The following GPC5 variants were observed in gnomAD, a reference collection of about 807,000 sequenced individuals.
GPC5 encodes glypican-5.
In GPC5, 47 loss-of-function variants were observed where a neutral mutation model predicts 53.9. The ratio of observed to expected loss-of-function variants is 0.87; its 90% CI spans 0.69 to 1.11. The LOEUF is 1.11. Among genes scored for constraint, GPC5 ranks in the 50% most tolerant of loss-of-function variants. The pLI, the probability that GPC5 is intolerant of heterozygous loss-of-function variation, is 0.00. For missense variants in GPC5, 748 were observed against 713.1 expected, an observed-to-expected ratio of 1.05 and a Z score of -0.56; for synonymous variants, 286 against 263.3, an observed-to-expected ratio of 1.09 and a Z score of -0.84.
At chr13:91,536,912 A>AT (rs1409763621) in intron 2 of GPC5, among the ~76,000 whole-genome samples, 1 of 152,244 alleles carries the variant, frequency 6.6e-6, no homozygotes, top group East Asian at 1.9e-4. Flanking sequence ...TGGGACAATC[A>AT]TATGTCCATG....
chr13:91,707,360 A>G (rs1018000046), intron 3 of GPC5, among the ~76,000 whole-genome samples: 12 of 152,276 alleles, frequency 7.9e-5, no homozygotes, highest in Admixed American at 7.2e-4. Flanking sequence ...ATGATAGCTC[A>G]GCCTGTAATC....
At chr13:91,739,337 C>T (rs910540419) in intron 4 of GPC5, among the ~76,000 whole-genome samples, 34 of 151,330 alleles carry the variant, frequency 2.2e-4, no homozygotes, top group Non-Finnish European at 4.9e-4. Flanking sequence ...CTGCTCTAGT[C>T]CCTGGGAAAT....
chr13:92,592,962 C>T (rs1883761197), intron 7 of GPC5, among the ~76,000 whole-genome samples: 1 of 150,946 alleles, frequency 6.6e-6, no homozygotes, highest in Non-Finnish European at 1.5e-5. Context: ...TTCACTACAG[C>T]AGGAAGTGGG....
At chr13:91,634,086 C>A (rs2034226591) in intron 2 of GPC5, among the ~76,000 whole-genome samples, 1 of 151,972 alleles carries the variant, frequency 6.6e-6, no homozygotes, top group Non-Finnish European at 1.5e-5. Flanking sequence ...ATGAGGACAT[C>A]ATTTATTGGC....
intron 5 of GPC5, among the ~76,000 whole-genome samples, chr13:91,858,049 T>C (rs1272461442): frequency 1.3e-5 from 2 of 151,750 alleles, no homozygotes; most frequent in Admixed American, 1.3e-4. Context: ...TCTGTTTTCA[T>C]AGGTTGGTTG....
At chr13:92,715,676 C>A (rs1051822381) in intron 7 of GPC5, among the ~76,000 whole-genome samples, 1 of 152,162 alleles carries the variant, frequency 6.6e-6, no homozygotes, top group Non-Finnish European at 1.5e-5. Context: ...TTATTTAACT[C>A]TTGCTGTACT....
chr13:91,693,542 G>A lies in GPC5; in HGVS notation c.681G>A (p.Gln227=), dbSNP rs1203198178. 1 of 1,614,072 alleles carries A rather than the reference G, an allele frequency of 6.2e-7. No individual in the cohort carries two copies. Among genetic ancestry groups the A allele is most frequent in the East Asian group, 2.2e-5 (1 of 44,832 alleles). ...RSLLPSRTFL[Q]ALNLGIEVIN... is the part of the protein sequence containing the mutation. ...TGCTGCCCAGCCGCACTTTTCTGCA[G>A]GCACTCAATCTGGGCATTGAAGTCA... is the stretch of plus-strand genomic sequence containing the variant. The change falls in exon 3 of 8, where the codon CAG becomes CAA. Residue 227 remains glutamine, a synonymous_variant. Coordinates refer to ENST00000377067, the MANE Select transcript of GPC5 (RefSeq NM_004466.6).
At chr13:92,741,927 T>C (rs1889108524) in intron 7 of GPC5, among the ~76,000 whole-genome samples, 1 of 152,178 alleles carries the variant, frequency 6.6e-6, no homozygotes, top group South Asian at 2.1e-4. Context: ...ATCCTTTTTA[T>C]GGCTGCATAG....
At chr13:91,758,886 C>G (rs182329327) in intron 5 of GPC5, among the ~76,000 whole-genome samples, 6 of 152,226 alleles carry the variant, frequency 3.9e-5, no homozygotes, top group Non-Finnish European at 7.4e-5. Flanking sequence ...TGGACATTTT[C>G]CCTTTCTTGA....
At chr13:92,092,940 T>C (rs1304262048) in intron 6 of GPC5, among the ~76,000 whole-genome samples, 1 of 152,168 alleles carries the variant, frequency 6.6e-6, no homozygotes. Flanking sequence ...AAAGGCAAAA[T>C]TAGCCAATAT....
At chr13:92,708,044 G>A (rs570495301) in intron 7 of GPC5, among the ~76,000 whole-genome samples, 1 of 152,186 alleles carries the variant, frequency 6.6e-6, no homozygotes, top group South Asian at 2.1e-4. Context: ...TCCAAAGATG[G>A]AATGAAGGCA....
intron 7 of GPC5, among the ~76,000 whole-genome samples, chr13:92,667,654 G>T (rs1175666965): frequency 1.3e-5 from 2 of 152,024 alleles, no homozygotes; most frequent in African/African-American, 4.8e-5. Context: ...TTGCTGCTTT[G>T]GGGTACTTGC....
intron 6 of GPC5, among the ~76,000 whole-genome samples, chr13:91,986,360 C>T (rs1338703223): frequency 2.6e-5 from 4 of 152,106 alleles, no homozygotes; most frequent in African/African-American, 7.2e-5. Flanking sequence ...CCACCACGCC[C>T]GGCCGCCAAT....
At chr13:92,663,816 ATATATATATACACACAC>A (rs1468790340) in intron 7 of GPC5, among the ~76,000 whole-genome samples, 3 of 129,634 alleles carry the variant, frequency 2.3e-5, no homozygotes, top group South Asian at 2.3e-4. Context: ...TATACACACT[ATATATATATACACACAC>A]TATATATATA....
chr13:92,032,394 T>G (rs571801481), intron 6 of GPC5, among the ~76,000 whole-genome samples: 1 of 150,920 alleles, frequency 6.6e-6, no homozygotes, highest in Admixed American at 6.6e-5. Flanking sequence ...AAGAACTGAC[T>G]CGTGTAACCA....
intron 7 of GPC5, among the ~76,000 whole-genome samples, chr13:92,452,490 G>A (rs1335911924): frequency 6.6e-6 from 1 of 152,068 alleles, no homozygotes; most frequent in Non-Finnish European, 1.5e-5. Context: ...ACCATCATAT[G>A]TGCCCAACTT....
chr13:92,445,375 T>G (rs1877767988), intron 7 of GPC5, among the ~76,000 whole-genome samples: 1 of 151,436 alleles, frequency 6.6e-6, no homozygotes, highest in African/African-American at 2.4e-5. Context: ...GCAGGTTAGT[T>G]ACATATGTAT....
intron 7 of GPC5, among the ~76,000 whole-genome samples, chr13:92,338,255 G>A (rs532981552): frequency 7.9e-5 from 12 of 152,014 alleles, no homozygotes; most frequent in East Asian, 1.9e-4. Context: ...CAATATATAC[G>A]TATTAGAATG....
intron 5 of GPC5, among the ~76,000 whole-genome samples, chr13:91,833,122 A>G (rs1458330391): frequency 1.3e-5 from 2 of 151,920 alleles, no homozygotes; most frequent in African/African-American, 2.4e-5. Flanking sequence ...ACACCTCTAC[A>G]CAAATAAACT....
Sources: allele counts gnomAD v4.1 joint callset (sites outside exome capture counted in the v4.1 genomes callset), GRCh38; gene constraint gnomAD v4.1.1; transcripts MANE v1.5; gene names NCBI Gene and HGNC (gene_info 2026-07-23, HGNC 2026-07-21).